Variants in CEP76 observed in about 807,000 individuals in gnomAD.
The protein encoded by CEP76 is centrosomal protein 76.
Under a neutral mutation model 83.3 loss-of-function variants are expected in CEP76, and 55 were observed. The ratio of observed to expected loss-of-function variants is 0.66; its 90% CI spans 0.53 to 0.83. The LOEUF (loss-of-function observed/expected upper bound fraction) is 0.83, where lower values mean the gene tolerates loss of function less well. CEP76 is among the 40% of genes least tolerant of loss of function. The pLI is 0.00. For missense variants in CEP76, 694 were observed against 799.5 expected (o/e 0.87, Z 1.59); for synonymous variants, 270 against 274.5 (o/e 0.98, Z 0.16).
At chr18:12,662,506 G>A (rs1449154777) in intron 12 of CEP76, among the ~76,000 whole-genome samples, 3 of 152,098 alleles carry the variant, frequency 2.0e-5, no homozygotes, top group Admixed American at 6.6e-5. Flanking sequence ...CCGGCCATGG[G>A]GGCTCACACC....
Position 12,702,652 on chromosome 18 carries a change from G to A in CEP76, c.-104C>T. 7.5e-7 allele frequency: 1 copy of A among 1,326,750 alleles called. No individual in the cohort carries two copies. Among genetic ancestry groups the A allele is most frequent in the Non-Finnish European group, 1.0e-6 (1 of 983,316 alleles). The allele number at this position is 1,326,750 out of a possible 1,614,324, so 82.2% of individuals were successfully genotyped here. On this transcript the variant is annotated 5_prime_UTR_variant, in exon 1 of 12. Transcript: ENST00000262127. ...GTTAGGAGCGACTGGAGCACAAAGC[G>A]CCGCAGCCGTTCGCCTAGCGCAGCT...
intron 1 of CEP76, 147 bp from the exon 2 acceptor site, chr18:12,701,260 CTT>C: frequency 1.6e-6 from 1 of 609,482 alleles, no homozygotes; most frequent in South Asian, 2.2e-5. Context: ...AAGAATGAAT[CTT>C]TTGAGTACAA....
At chr18:12,702,455 G>A in intron 1 of CEP76, 31 bp downstream of exon 1, 3 of 1,541,378 alleles carry the variant, frequency 1.9e-6, no homozygotes, top group Non-Finnish European at 2.7e-6. Flanking sequence ...GGGTCGGCCC[G>A]GCGGTCTCTC....
rs1313954973 is a variant in CEP76 at position 12,672,660 on chromosome 18, T to A, written c.*705A>T. 1 of 981,732 alleles carries A rather than the reference T, an allele frequency of 1.0e-6. No homozygotes were observed. The highest frequency in any genetic ancestry group is 1.8e-5 in the African/African-American group (1 of 57,126). The allele number at this position is 981,732 out of a possible 1,614,324, so 60.8% of individuals were successfully genotyped here. ...ACTGCAAGATCACAATTTATCAGTA[T>A]CATAACAAAGAGGTATAATAAAGTT... is the stretch of plus-strand genomic sequence containing the variant. On this transcript the variant is annotated 3_prime_UTR_variant, in exon 12 of 12. Coordinates refer to ENST00000262127, the MANE Select transcript of CEP76 (RefSeq NM_024899.4).
intron 12 of CEP76, among the ~76,000 whole-genome samples, chr18:12,662,503 T>A (rs1281715019): frequency 6.6e-6 from 1 of 152,188 alleles, no homozygotes; most frequent in African/African-American, 2.4e-5. Flanking sequence ...AGCCCGGCCA[T>A]GGGGGCTCAC....
chr18:12,691,295 A>G (rs748767998), intron 7 of CEP76, 64 bp downstream of exon 7: 3 of 1,040,074 alleles, frequency 2.9e-6, no homozygotes, highest in Non-Finnish European at 4.1e-6. Flanking sequence ...ATTAAATGAA[A>G]TTTACACACA....
In CEP76 at chr18:12,699,056, C is replaced by A. The variant is rs766046312; in HGVS notation, c.443G>T (p.Arg148Leu). Reference protein sequence around the residue: ...LCLHYRNQRFRSKPVPCACEP... With the variant: ...LCLHYRNQRFLSKPVPCACEP... ...ACAGGCACATGGAACAGGTTTAGAA[C>A]GAAAACGTTGGTTTCGATAATGTAA... The change falls in exon 4 of 12, where the codon CGT becomes CTT. Residue 148 changes from arginine (R) to leucine (L), a missense_variant. Transcript: ENST00000262127. The A allele has an allele frequency of 1.9e-6, 3 of 1,613,868 alleles. No homozygotes were observed. The highest frequency in any genetic ancestry group is 2.2e-5 in the East Asian group (1 of 44,872).
At chr18:12,701,243 G>A in intron 1 of CEP76, 130 bp from the exon 2 acceptor site, 1 of 642,168 alleles carries the variant, frequency 1.6e-6, no homozygotes, top group South Asian at 2.1e-5. Flanking sequence ...ACAAAGGTAA[G>A]CTTTTAAAGA....
chr18:12,661,970 G>C (rs1386059936), exon 13 of CEP76: 1 of 254,724 alleles, frequency 3.9e-6, no homozygotes, highest in Non-Finnish European at 8.0e-6. Context: ...TTGTTTTGTT[G>C]ATTTTGTTAC....
downstream of CEP76, among the ~76,000 whole-genome samples, chr18:12,667,773 A>G (rs577079722): frequency 1.3e-4 from 19 of 149,532 alleles, no homozygotes; most frequent in South Asian, 4.2e-4. Flanking sequence ...AAAAAAAAAA[A>G]AAAAGAAAAG....
chr18:12,664,251 A>T (rs2038758346), intron 12 of CEP76, among the ~76,000 whole-genome samples: 1 of 152,148 alleles, frequency 6.6e-6, no homozygotes, highest in Non-Finnish European at 1.5e-5. Flanking sequence ...AATTTTTTAA[A>T]ACTTTTTGTA....
chr18:12,693,034 G>A (rs781267143), intron 6 of CEP76, among the ~76,000 whole-genome samples: 1 of 152,076 alleles, frequency 6.6e-6, no homozygotes, highest in Non-Finnish European at 1.5e-5. Context: ...ATGTTGCCCA[G>A]GCTGGTCTTG....
intron 12 of CEP76, among the ~76,000 whole-genome samples, chr18:12,662,322 T>G (rs993846073): frequency 8.5e-5 from 13 of 152,198 alleles, no homozygotes; most frequent in Non-Finnish European, 1.8e-4. Context: ...ACTTGAAGGG[T>G]CAGATATTAT....
intron 1 of CEP76, 136 bp downstream of exon 1, chr18:12,702,350 C>CT: frequency 1.5e-6 from 1 of 668,172 alleles, no homozygotes; most frequent in Non-Finnish European, 2.6e-6. Context: ...AAAGCTCTGC[C>CT]TACTCTGCGT....
chr18:12,668,135 C>T (rs2038843075), downstream of CEP76, among the ~76,000 whole-genome samples: 1 of 151,988 alleles, frequency 6.6e-6, no homozygotes, highest in Non-Finnish European at 1.5e-5. Context: ...CATGTTGGTG[C>T]AGGCCTGTAA....
intron 1 of CEP76, among the ~76,000 whole-genome samples, chr18:12,701,571 G>A (rs1168355674): frequency 2.0e-5 from 3 of 152,052 alleles, no homozygotes; most frequent in Non-Finnish European, 4.4e-5. Context: ...GCCCTCTCAC[G>A]ATAGTGTTGT....
In CEP76 at chr18:12,702,486, C is replaced by A. The variant is rs766389457; in HGVS notation, c.63G>T (p.Lys21Asn). The change falls in exon 1 of 12, where the codon AAG becomes AAT. Residue 21 changes from lysine (K) to asparagine (N), a missense_variant and splice_region_variant. Coordinates refer to ENST00000262127, the MANE Select transcript of CEP76 (RefSeq NM_024899.4). ...CTCTCCCAGCACCCGCGACTCTCACCTTGCTCAGCTGCTGGTGGATGAGCT... is the reference window on the plus strand; with the variant it reads ...CTCTCCCAGCACCCGCGACTCTCACATTGCTCAGCTGCTGGTGGATGAGCT... ...LKQLIHQQLS[K>N]MDVHGRIREI... 2 of 1,608,124 alleles carry A rather than the reference C, an allele frequency of 1.2e-6. No individual in the cohort carries two copies. The highest frequency in any genetic ancestry group is 8.5e-7 in the Non-Finnish European group (1 of 1,177,038).
At chr18:12,688,873 G>A (rs941807182) in intron 7 of CEP76, among the ~76,000 whole-genome samples, 3 of 152,158 alleles carry the variant, frequency 2.0e-5, no homozygotes, top group African/African-American at 7.2e-5. Flanking sequence ...CCAGCACTTT[G>A]GGAGGCCGAG....
Position 12,700,979 on chromosome 18 carries a change from C to T in CEP76, c.198G>A (p.Met66Ile). Residue 66 changes from methionine (M) to isoleucine (I), a missense_variant, in exon 2 of 12, where the codon ATG becomes ATA. By Grantham distance (10) the Met-to-Ile change is conservative. Coordinates refer to ENST00000262127, the MANE Select transcript of CEP76 (RefSeq NM_024899.4). ...LRRRGIIDDV[M>I]KELNFVTDSV... ...TCACAGTAACAAAATTAAGTTCTTT[C>T]ATCACATCGTCAATGATTCCTCGAC... The T allele has an allele frequency of 6.2e-7, 1 of 1,613,176 alleles. No individual in the cohort carries two copies. The highest frequency in any genetic ancestry group is 1.1e-5 in the South Asian group (1 of 90,838).
Sources: gnomAD v4.1 joint callset for allele counts (sites outside exome capture counted in the v4.1 genomes callset) on GRCh38, gnomAD v4.1.1 for gene constraint, MANE v1.5 for transcripts, NCBI Gene and HGNC (gene_info 2026-07-23, HGNC 2026-07-21) for gene names.